DST: variants seen among roughly 807,000 people sequenced by gnomAD.
The protein encoded by DST is dystonin.
A neutral mutation model predicts 875.2 loss-of-function variants in DST; 253 were observed. The ratio of observed to expected loss-of-function variants is 0.29; its 90% confidence interval spans 0.26 to 0.32. The LOEUF (loss-of-function observed/expected upper bound fraction) is 0.32, where lower values mean the gene tolerates loss of function less well. Ranked by LOEUF, DST falls within the 10% of genes least tolerant of loss-of-function variation. DST has a pLI of 1.00. For synonymous variants in DST, 3,124 were observed against 3,197.1 expected (o/e 0.98, Z 0.77); for missense variants, 8,287 against 9,111.6 (o/e 0.91, Z 3.68).
chr6:56,635,274 A>G (rs1222739461), intron 24 of DST, among the ~76,000 whole-genome samples: 1 of 152,176 alleles, frequency 6.6e-6, no homozygotes, highest in Non-Finnish European at 1.5e-5. Flanking sequence ...TCACTGCTGT[A>G]GCTCTAGAAC....
intron 4 of DST, chr6:56,785,806 G>C (rs1333134458): frequency 6.3e-6 from 1 of 159,434 alleles, no homozygotes; most frequent in African/African-American, 2.4e-5. Flanking sequence ...CGTCTTCTGC[G>C]TCGCTCACGC....
intron 9 of DST, among the ~76,000 whole-genome samples, chr6:56,688,633 G>T (rs1405876498): frequency 1.3e-5 from 2 of 152,244 alleles, no homozygotes; most frequent in Admixed American, 1.3e-4. Context: ...GAACAGAAAT[G>T]CAGTTCAATT....
In DST at chr6:56,714,994, C is replaced by A. The variant is rs2099389982; in HGVS notation, c.688-10625G>T. Among the ~76,000 whole-genome samples the A allele has an allele frequency of 1.3e-5, 2 of 152,134 alleles. No homozygotes were observed. The highest frequency in any genetic ancestry group is 1.3e-4 in the Admixed American group (2 of 15,274). On this transcript the variant is annotated intron_variant, in intron 5 of 103. Transcript: ENST00000680361. This position sits in a 1 kb window ranked among gnomAD's most constrained non-coding sequence, Gnocchi z 4.5. ...TAATAATTTCCTTAAGAAGAAAGGG[C>A]CCTGTCTTTGGTCCTCACTGCAAAT...
chr6:56,624,622 C>A lies in DST; in HGVS notation c.4837G>T (p.Asp1613Tyr), dbSNP rs995689971. The A allele has an allele frequency of 6.2e-7, 1 of 1,606,404 alleles. No individual in the cohort carries two copies. Among genetic ancestry groups the A allele is most frequent in the Non-Finnish European group, 8.5e-7 (1 of 1,173,500 alleles). ...AGGGCAGTATATCGAGTCCTTAGGT[C>A]CATGAACTGCAAGTAAGGAAAAAAA... ...SADLIIQEFM[D>Y]LRTRYTALVT... is the part of the protein sequence containing the mutation. Residue 1613 changes from aspartate to tyrosine, a missense_variant, in exon 36 of 104, where the codon GAC becomes TAC. By Grantham distance (160) the Asp-to-Tyr change is radical. Transcript: ENST00000680361.
At chr6:56,483,343 T>C (rs2095458859) in intron 88 of DST, among the ~76,000 whole-genome samples, 1 of 152,142 alleles carries the variant, frequency 6.6e-6, no homozygotes, top group Non-Finnish European at 1.5e-5. Flanking sequence ...TAAGCAATCT[T>C]GATGTGTGTA....
At chr6:56,749,268 C>A (rs900278021) in intron 4 of DST, among the ~76,000 whole-genome samples, 1 of 152,056 alleles carries the variant, frequency 6.6e-6, no homozygotes, top group Non-Finnish European at 1.5e-5. Flanking sequence ...GCAGGAGAAT[C>A]GCTTTAACCC....
At chr6:56,632,448 T>C (rs2152761375) in intron 28 of DST, among the ~76,000 whole-genome samples, 1 of 152,188 alleles carries the variant, frequency 6.6e-6, no homozygotes, top group Admixed American at 6.5e-5. Flanking sequence ...TTGTCTCTAA[T>C]TAAAATTTTT....
chr6:56,827,286 C>T (rs538237150), intron 4 of DST, among the ~76,000 whole-genome samples: 7 of 152,068 alleles, frequency 4.6e-5, no homozygotes, highest in South Asian at 4.1e-4. Context: ...GAGGCCGAGG[C>T]GGGTGGATCA....
intron 59 of DST, among the ~76,000 whole-genome samples, chr6:56,556,665 T>TA (rs1270982958): frequency 2.0e-5 from 3 of 152,030 alleles, no homozygotes; most frequent in African/African-American, 7.2e-5. Context: ...ACTCAGACAT[T>TA]AAAAAACTAA....
chr6:56,676,202 C>G (rs1345118794), intron 9 of DST, among the ~76,000 whole-genome samples: 2 of 152,146 alleles, frequency 1.3e-5, no homozygotes, highest in African/African-American at 2.4e-5. Context: ...GAGTAACTGG[C>G]ACTACAGGTG....
At chr6:56,547,140 T>C (rs528802992) in intron 61 of DST, among the ~76,000 whole-genome samples, 1 of 152,184 alleles carries the variant, frequency 6.6e-6, no homozygotes, top group South Asian at 2.1e-4. Context: ...TTGACAGCCC[T>C]TTCCGAGAAG....
chr6:56,605,682 A>G lies in DST; in HGVS notation c.8946T>C (p.Tyr2982=). 1 of 1,612,918 alleles carries G rather than the reference A, an allele frequency of 6.2e-7. No homozygotes were observed. The highest frequency in any genetic ancestry group is 8.5e-7 in the Non-Finnish European group (1 of 1,179,344). Residue 2982 remains tyrosine, a synonymous_variant, in exon 40 of 104, where the codon TAT becomes TAC. Coordinates refer to ENST00000680361, the MANE Select transcript of DST (RefSeq NM_001374736.1). ...LTDSVKGKDE[Y]FKNMTPKVDS... is the part of the protein sequence containing the mutation. ...CAACTTTTGGTGTCATATTCTTAAA[A>G]TATTCATCTTTACCTTTCACAGAAT...
chr6:56,560,269 C>A, intron 58 of DST, 25 bp downstream of exon 58: 2 of 1,553,142 alleles, frequency 1.3e-6, no homozygotes, highest in South Asian at 1.3e-5. Context: ...TCTTCATAGG[C>A]ATTCATCTAA....
intron 2 of DST, among the ~76,000 whole-genome samples, chr6:56,906,449 C>T (rs568534108): frequency 3.3e-5 from 5 of 152,258 alleles, no homozygotes; most frequent in African/African-American, 7.2e-5. Flanking sequence ...AAAATGATGG[C>T]TCCATCTTCC....
Position 56,650,978 on chromosome 6 carries a change from A to C in DST, c.1382T>G (p.Leu461Arg). 1 of 1,613,538 alleles carries C rather than the reference A, an allele frequency of 6.2e-7. No individual in the cohort carries two copies. Among genetic ancestry groups the C allele is most frequent in the Non-Finnish European group, 8.5e-7 (1 of 1,179,546 alleles). ...AGGGACTTTAGGAAATGCATCATAG[A>C]GAGATGACACGTAAGTTATTACTGA... ...EKSVITYVSS[L>R]YDAFPKVPEG... The change falls in exon 12 of 104, where the codon CTC becomes CGC. Residue 461 changes from leucine to arginine, a missense_variant. By Grantham distance (102) the Leu-to-Arg change is moderately radical (BLOSUM62 -2). Around this residue, in one of 10 missense-constraint regions of DST, gnomAD observed 1,160 missense variants for 1,424.3 expected, o/e 0.81. Coordinates refer to ENST00000680361, the MANE Select transcript of DST (RefSeq NM_001374736.1).
intron 59 of DST, 136 bp downstream of exon 59, chr6:56,557,183 T>C (rs2097437642): frequency 1.3e-6 from 1 of 781,392 alleles, no homozygotes; most frequent in Non-Finnish European, 2.0e-6. Context: ...TATGGGCATC[T>C]GAAACATTAC....
At chr6:56,860,624 C>T (rs1281109022) in intron 3 of DST, among the ~76,000 whole-genome samples, 1 of 152,156 alleles carries the variant, frequency 6.6e-6, no homozygotes, top group Non-Finnish European at 1.5e-5. Flanking sequence ...GGTTTTTGCT[C>T]CCGTACCTAC....
At chr6:56,531,816 G>A (rs751472325) in intron 64 of DST, among the ~76,000 whole-genome samples, 2 of 152,108 alleles carry the variant, frequency 1.3e-5, no homozygotes, top group Non-Finnish European at 2.9e-5. Flanking sequence ...CCTTCATGAA[G>A]TTAGAGCACC....
chr6:56,722,362 A>ATGTTTGTT (rs34299400), intron 5 of DST, among the ~76,000 whole-genome samples: 5 of 146,380 alleles, frequency 3.4e-5, no homozygotes, highest in African/African-American at 1.3e-4. Context: ...AAAGTAGTAC[A>ATGTTTGTT]TGTTTGTTTA....
Sources: gnomAD v4.1 joint callset for allele counts (sites outside exome capture counted in the v4.1 genomes callset) on GRCh38, gnomAD v4.1.1 for gene constraint, gnomAD v4.1.1 regional missense constraint, Gnocchi (gnomAD v3.1) non-coding constraint, MANE v1.5 for transcripts, NCBI Gene and HGNC (gene_info 2026-07-23, HGNC 2026-07-21) for gene names.